Variants in GPR149 observed in about 807,000 individuals in gnomAD.
GPR149 encodes the protein G protein-coupled receptor 149.
In GPR149, 50 loss-of-function variants were observed where a neutral mutation model predicts 50.2. That is an observed-to-expected ratio of 1.00 (90% CI 0.79 to 1.26). The LOEUF is 1.26. Among genes scored for constraint, GPR149 ranks in the 50% most tolerant of loss-of-function variants. GPR149 has a pLI of 0.00. For synonymous variants in GPR149, 405 were observed against 358.2 expected (o/e 1.13, Z -1.48); for missense variants, 983 against 895.4 (o/e 1.10, Z -1.25).
intron 3 of GPR149, among the ~76,000 whole-genome samples, chr3:154,402,433 A>AATAAATAAATAT (rs1711569010): frequency 6.6e-6 from 1 of 150,940 alleles, no homozygotes; most frequent in African/African-American, 2.4e-5. Flanking sequence ...TAAATAAATA[A>AATAAATAAATAT]ATAAATAAAT....
chr3:154,388,929 A>C (rs1715107105), intron 3 of GPR149, among the ~76,000 whole-genome samples: 1 of 151,704 alleles, frequency 6.6e-6, no homozygotes. Context: ...CTTGCATAAA[A>C]GCACTTCCTC....
At chr3:154,382,503 A>G (rs1007645875) in intron 3 of GPR149, among the ~76,000 whole-genome samples, 3 of 152,230 alleles carry the variant, frequency 2.0e-5, no homozygotes, top group African/African-American at 7.2e-5. Context: ...AATTCACTAA[A>G]GGGTCAAATG....
At chr3:154,363,427 C>T (rs1714460758) in intron 3 of GPR149, among the ~76,000 whole-genome samples, 1 of 152,058 alleles carries the variant, frequency 6.6e-6, no homozygotes, top group Non-Finnish European at 1.5e-5. Flanking sequence ...GAGGGGTGCT[C>T]TCTGCTTCTA....
At chr3:154,391,688 C>T (rs1715175643) in intron 3 of GPR149, among the ~76,000 whole-genome samples, 1 of 151,590 alleles carries the variant, frequency 6.6e-6, no homozygotes, top group Non-Finnish European at 1.5e-5. Context: ...CAAGATCCAA[C>T]TTATATTGGA....
In GPR149 at chr3:154,429,423, T is replaced by A. The variant is rs758417625; in HGVS notation, c.193A>T (p.Thr65Ser). ...GAAGCCACAAGCATGGACACAACAG[T>A]TCTGTTCTGCATTTTCAGCAGGGAA... is the stretch of plus-strand genomic sequence containing the variant. The part of the protein sequence containing the change: ...LISLLKMQNR[T>S]VVSMLVASWS... Residue 65 changes from threonine (T) to serine (S), a missense_variant, in exon 1 of 4, where the codon ACT becomes TCT. By Grantham distance (58) the Thr-to-Ser change is moderately conservative (BLOSUM62 1). Transcript: ENST00000389740. 1 of 1,614,070 alleles carries A rather than the reference T, an allele frequency of 6.2e-7. No individual in the cohort carries two copies. Among genetic ancestry groups the A allele is most frequent in the South Asian group, 1.1e-5 (1 of 91,072 alleles).
intron 3 of GPR149, among the ~76,000 whole-genome samples, chr3:154,390,407 A>G (rs548557858): frequency 3.9e-5 from 6 of 152,206 alleles, no homozygotes; most frequent in Admixed American, 3.9e-4. Flanking sequence ...GATCATAGAG[A>G]TGAAGAGTAA....
At chr3:154,359,785 A>G (rs1003086638) in intron 3 of GPR149, among the ~76,000 whole-genome samples, 1 of 152,212 alleles carries the variant, frequency 6.6e-6, no homozygotes, top group Non-Finnish European at 1.5e-5. Flanking sequence ...TGCTCCTTGG[A>G]CTAAACCTTA....
At position 154,337,584 on chromosome 3, in the gene GPR149, A is replaced by T. The variant is rs1713683708; in HGVS notation, c.*115T>A. ...TTCCCACAAAAAAATTAACTATTAA[A>T]TCAGTAAAACTAATGTAAGCCAACA... is the stretch of plus-strand genomic sequence containing the variant. On this transcript the variant is annotated 3_prime_UTR_variant, in exon 4 of 4. Coordinates refer to ENST00000389740, the MANE Select transcript of GPR149 (RefSeq NM_001038705.3). 1 of 844,428 alleles carries T rather than the reference A, an allele frequency of 1.2e-6. No homozygotes were observed. The highest frequency in any genetic ancestry group is 2.5e-5 in the East Asian group (1 of 40,704). The allele number at this position is 844,428 out of a possible 1,614,324, so 52.3% of individuals were successfully genotyped here.
intron 3 of GPR149, among the ~76,000 whole-genome samples, chr3:154,389,408 G>C (rs1222870294): frequency 2.0e-5 from 3 of 152,080 alleles, no homozygotes; most frequent in Non-Finnish European, 4.4e-5. Context: ...GGAGATCCTA[G>C]CTCCCAGCTT....
chr3:154,383,722 C>G (rs1576915915), intron 3 of GPR149, among the ~76,000 whole-genome samples: 1 of 151,964 alleles, frequency 6.6e-6, no homozygotes, highest in South Asian at 2.1e-4. Context: ...ATGTTTGTGT[C>G]CCCCCAAAAT....
At chr3:154,350,238 C>T (rs914010742) in intron 3 of GPR149, among the ~76,000 whole-genome samples, 5 of 151,840 alleles carry the variant, frequency 3.3e-5, no homozygotes, top group African/African-American at 1.2e-4. Flanking sequence ...ATTGTACAGA[C>T]CAGAAAGGAA....
In GPR149 at chr3:154,429,523, G is replaced by C. The variant is rs759786478; in HGVS notation, c.93C>G (p.Thr31=). ...NSTDLLNPPG[T]LNIYLFCLTC... ...TCAAGCAAAAAAGATAGATATTCAG[G>C]GTTCCTGGCGGATTTAAAAGGTCCG... Residue 31 remains threonine (T), a synonymous_variant, in exon 1 of 4, where the codon ACC becomes ACG. Coordinates refer to ENST00000389740, the MANE Select transcript of GPR149 (RefSeq NM_001038705.3). 6 of 1,613,980 alleles carry C rather than the reference G, an allele frequency of 3.7e-6. No homozygotes were observed. Among genetic ancestry groups the C allele is most frequent in the Non-Finnish European group, 5.1e-6 (6 of 1,180,012 alleles).
At chr3:154,342,582 T>C (rs1371757799) in intron 3 of GPR149, among the ~76,000 whole-genome samples, 1 of 152,162 alleles carries the variant, frequency 6.6e-6, no homozygotes, top group African/African-American at 2.4e-5. Flanking sequence ...CTCATTTTTG[T>C]GTTTTTAGTA....
In GPR149 at chr3:154,350,991, T is replaced by A. The variant is rs146047891; in HGVS notation, c.1624-12720A>T. ...AATACTGACAAGAAAAATGTCTGTATGTGTTTAGTACAGGCATAATTTTGT... is the reference window on the plus strand; with the variant it reads ...AATACTGACAAGAAAAATGTCTGTAAGTGTTTAGTACAGGCATAATTTTGT... On this transcript the variant is annotated intron_variant, in intron 3 of 3. Coordinates refer to ENST00000389740, the MANE Select transcript of GPR149 (RefSeq NM_001038705.3). Among the ~76,000 whole-genome samples the A allele has an allele frequency of 7.1e-3, 1,080 of 152,294 alleles. 12 individuals carry two copies. The highest frequency in any genetic ancestry group is 0.025 in the African/African-American group (1,043 of 41,572).
At chr3:154,353,676 G>A in intron 3 of GPR149, 2 of 1,350,192 alleles carry the variant, frequency 1.5e-6, no homozygotes, top group Non-Finnish European at 2.1e-6. Flanking sequence ...CAGTTCCCTT[G>A]CTGGAGCCAA....
intron 3 of GPR149, among the ~76,000 whole-genome samples, chr3:154,358,665 A>AAT (rs1488526086): frequency 2.6e-5 from 4 of 152,206 alleles, no homozygotes; most frequent in African/African-American, 7.2e-5. Flanking sequence ...AGCAGATTAT[A>AAT]AACCCATGTT....
In GPR149 at chr3:154,335,528, G is replaced by C. The variant is rs1476151281; in HGVS notation, c.*2171C>G. The C allele has an allele frequency of 6.6e-6, 1 of 152,030 alleles. No individual in the cohort carries two copies. The highest frequency in any genetic ancestry group is 1.9e-4 in the East Asian group (1 of 5,192). The allele number at this position is 152,030 out of a possible 1,614,324, so 9.4% of individuals were successfully genotyped here. A position where few individuals can be genotyped will look rare whatever the true frequency, so the allele number is the denominator to read the frequency against. On this transcript the variant is annotated 3_prime_UTR_variant, in exon 4 of 4. Transcript: ENST00000389740. ...CTAAGACTTTGGGCTAAATAATACT[G>C]GTGTTGTTTCAATGCAGCAGAATTT...
intron 3 of GPR149, among the ~76,000 whole-genome samples, chr3:154,350,563 A>G (rs993654276): frequency 2.0e-5 from 3 of 152,196 alleles, no homozygotes; most frequent in Admixed American, 1.3e-4. Context: ...GAAGAGACAT[A>G]TTGTGTTCAT....
chr3:154,375,815 G>T (rs1714777650), intron 3 of GPR149, among the ~76,000 whole-genome samples: 1 of 152,106 alleles, frequency 6.6e-6, no homozygotes, highest in African/African-American at 2.4e-5. Flanking sequence ...ACCAATGCTG[G>T]TGGGCATCAT....
Sources: gnomAD v4.1 joint callset for allele counts (sites outside exome capture counted in the v4.1 genomes callset) on GRCh38, gnomAD v4.1.1 for gene constraint, MANE v1.5 for transcripts, NCBI Gene and HGNC (gene_info 2026-07-23, HGNC 2026-07-21) for gene names.